The following GRIK2 variants were observed in gnomAD, a reference collection of about 807,000 sequenced individuals.
GRIK2 encodes the protein glutamate ionotropic receptor kainate type subunit 2.
Under a neutral mutation model 100.3 loss-of-function variants are expected in GRIK2, and 32 were observed. That is an observed-to-expected ratio of 0.32 (90% CI 0.24 to 0.43). The LOEUF (loss-of-function observed/expected upper bound fraction) is 0.43. Ranked by LOEUF, GRIK2 falls within the 20% of genes least tolerant of loss-of-function variation. The pLI, the probability that GRIK2 is intolerant of heterozygous loss-of-function variation, is 1.00. For missense variants in GRIK2, 843 were observed against 1,114.9 expected (o/e 0.76, Z 3.47); for synonymous variants, 417 against 389.4 (o/e 1.07, Z -0.83).
At chr6:101,681,713 C>T (rs1340968680) in intron 5 of GRIK2, among the ~76,000 whole-genome samples, 1 of 152,072 alleles carries the variant, frequency 6.6e-6, no homozygotes, top group Non-Finnish European at 1.5e-5. Flanking sequence ...GCAGCTACTT[C>T]ATAAATGAGT....
chr6:101,773,949 A>G (rs1290037777), intron 7 of GRIK2, among the ~76,000 whole-genome samples: 1 of 152,190 alleles, frequency 6.6e-6, no homozygotes, highest in African/African-American at 2.4e-5. Context: ...AAAGCTAAAC[A>G]CAATAAGAAC....
chr6:101,598,831 T>C (rs1779056858), intron 2 of GRIK2, among the ~76,000 whole-genome samples: 1 of 151,614 alleles, frequency 6.6e-6, no homozygotes, highest in Admixed American at 6.6e-5. Flanking sequence ...ATTTTCTCTT[T>C]CCTGTGGAAA....
intron 11 of GRIK2, among the ~76,000 whole-genome samples, chr6:101,882,420 C>G (rs185629638): frequency 1.8e-3 from 277 of 152,224 alleles, no homozygotes; most frequent in African/African-American, 6.5e-3. Context: ...CATAGTTATT[C>G]TGAAGACATC....
chr6:101,811,866 TTAA>T (rs1255204439), intron 9 of GRIK2, among the ~76,000 whole-genome samples: 6 of 151,662 alleles, frequency 4.0e-5, no homozygotes, highest in African/African-American at 1.4e-4. Flanking sequence ...AAGCAACTAA[TTAA>T]TAAGATAAAT....
At position 101,768,895 on chromosome 6, in the gene GRIK2, T is replaced by C. The variant is rs185961207; in HGVS notation, c.952-30753T>C. Among the ~76,000 whole-genome samples, 112 of 152,320 alleles carry C rather than the reference T, an allele frequency of 7.4e-4. 1 individual carries two copies. Among genetic ancestry groups the C allele is most frequent in the African/African-American group, 2.5e-3 (102 of 41,578 alleles). On this transcript the variant is annotated intron_variant, in intron 7 of 16. Coordinates refer to ENST00000369134, the MANE Select transcript of GRIK2 (RefSeq NM_021956.5). ...CTGCAGTGCCATGTGGTAGGTATTA[T>C]AGAAAGTAACCTTGTGGCTAAATAA... is the stretch of plus-strand genomic sequence containing the variant.
At chr6:101,459,478 G>A (rs1771183194) in intron 2 of GRIK2, among the ~76,000 whole-genome samples, 1 of 152,144 alleles carries the variant, frequency 6.6e-6, no homozygotes, top group Non-Finnish European at 1.5e-5. Flanking sequence ...TCACAGTATA[G>A]TTCTAGTCAT....
chr6:101,738,279 AATTGTC>A (rs1200281982), intron 7 of GRIK2, among the ~76,000 whole-genome samples: 28 of 122,144 alleles, frequency 2.3e-4, no homozygotes, highest in African/African-American at 9.4e-4. Flanking sequence ...TTGTAATTGT[AATTGTC>A]AATTGTAATT....
chr6:101,563,020 T>TA (rs2128296252), intron 2 of GRIK2, among the ~76,000 whole-genome samples: 1 of 152,306 alleles, frequency 6.6e-6, no homozygotes, highest in East Asian at 1.9e-4. Context: ...TCAAATTCAC[T>TA]AAAAAATATG....
At chr6:101,691,454 C>T (rs1229088912) in intron 7 of GRIK2, among the ~76,000 whole-genome samples, 5 of 152,010 alleles carry the variant, frequency 3.3e-5, no homozygotes, top group Non-Finnish European at 5.9e-5. Context: ...CACACCACCA[C>T]GCCTGGCTAA....
At chr6:101,709,226 T>A (rs1760221150) in intron 7 of GRIK2, among the ~76,000 whole-genome samples, 1 of 151,602 alleles carries the variant, frequency 6.6e-6, no homozygotes, top group Non-Finnish European at 1.5e-5. Context: ...CACCAGAAAC[T>A]ATGAGAAAGA....
intron 2 of GRIK2, among the ~76,000 whole-genome samples, chr6:101,554,608 A>G (rs757937011): frequency 6.6e-6 from 1 of 152,140 alleles, no homozygotes; most frequent in South Asian, 2.1e-4. Flanking sequence ...AACTCTGGAT[A>G]TATCACTATC....
intron 2 of GRIK2, among the ~76,000 whole-genome samples, chr6:101,457,050 A>T (rs904003759): frequency 6.6e-6 from 1 of 152,124 alleles, no homozygotes; most frequent in Non-Finnish European, 1.5e-5. Context: ...AAACAATTCT[A>T]AAAGGAACAC....
At chr6:101,950,078 T>G (rs556708126) in intron 14 of GRIK2, among the ~76,000 whole-genome samples, 1 of 152,298 alleles carries the variant, frequency 6.6e-6, no homozygotes, top group East Asian at 1.9e-4. Flanking sequence ...TTCTCATTTT[T>G]TATTTCTCAT....
intron 2 of GRIK2, among the ~76,000 whole-genome samples, chr6:101,484,538 T>TAC (rs138774364): frequency 0.16 from 23,216 of 148,002 alleles, 1,960 homozygotes; most frequent in East Asian, 0.32. Flanking sequence ...TATATGTAAC[T>TAC]ACACACACAC....
intron 10 of GRIK2, among the ~76,000 whole-genome samples, chr6:101,855,239 C>A (rs551442553): frequency 6.6e-6 from 1 of 152,134 alleles, no homozygotes; most frequent in Non-Finnish European, 1.5e-5. Flanking sequence ...TCATTTTCTT[C>A]TATGCACTGA....
intron 2 of GRIK2, among the ~76,000 whole-genome samples, chr6:101,439,937 T>C (rs1769950893): frequency 6.6e-6 from 1 of 152,142 alleles, no homozygotes; most frequent in African/African-American, 2.4e-5. Flanking sequence ...AAAATATTCA[T>C]TTGTTATTGT....
At chr6:101,651,656 G>A (rs1781798668) in intron 4 of GRIK2, among the ~76,000 whole-genome samples, 1 of 152,090 alleles carries the variant, frequency 6.6e-6, no homozygotes, top group Non-Finnish European at 1.5e-5. Context: ...GAACATTCCA[G>A]GCAAAGGATA....
At chr6:102,019,806 C>T (rs1478077520) in intron 14 of GRIK2, among the ~76,000 whole-genome samples, 1 of 151,866 alleles carries the variant, frequency 6.6e-6, no homozygotes, top group Non-Finnish European at 1.5e-5. Context: ...CTTTATATAT[C>T]CCTTTTTAAA....
intron 15 of GRIK2, among the ~76,000 whole-genome samples, chr6:102,054,509 C>T (rs905961133): frequency 3.3e-5 from 5 of 151,882 alleles, no homozygotes; most frequent in African/African-American, 1.2e-4. Context: ...AATGCATGTG[C>T]TTCAATATTT....
Sources: gnomAD v4.1 joint callset for allele counts (sites outside exome capture counted in the v4.1 genomes callset) on GRCh38, gnomAD v4.1.1 for gene constraint, MANE v1.5 for transcripts, NCBI Gene and HGNC (gene_info 2026-07-23, HGNC 2026-07-21) for gene names.